The following CD9 variants were observed in gnomAD, a reference collection of about 807,000 sequenced individuals.
CD9 encodes the protein CD9 molecule.
In CD9, 10 loss-of-function variants were observed where a neutral mutation model predicts 31.4. The observed-to-expected ratio is 0.32, with a 90% CI of 0.20 to 0.54. The LOEUF (loss-of-function observed/expected upper bound fraction) is 0.54, where lower values mean the gene tolerates loss of function less well. Among genes scored for constraint, CD9 ranks in the 20% least tolerant of loss-of-function variants. The pLI, the probability that CD9 is intolerant of heterozygous loss-of-function variation, is 0.94. For synonymous variants in CD9, 113 were observed against 114.1 expected (o/e 0.99, Z 0.06); for missense variants, 259 against 300.1 (o/e 0.86, Z 1.01).
intron 1 of CD9, among the ~76,000 whole-genome samples, chr12:6,209,499 C>G (rs1203045533): frequency 1.3e-5 from 2 of 152,100 alleles, no homozygotes; most frequent in Non-Finnish European, 2.9e-5. Flanking sequence ...ATGTAAACAT[C>G]TTCTTTCTCA....
rs576880782 is a variant in CD9, at chr12:6,221,771, T to C, written c.67-3655T>C. 1.4e-4 allele frequency among the ~76,000 whole-genome samples: 20 copies of C among 148,104 alleles called. No individual in the cohort carries two copies. The South Asian group carries it at 4.3e-3, about 32-fold the overall frequency. On this transcript the variant is annotated intron_variant, in intron 1 of 7. Coordinates refer to ENST00000009180, the MANE Select transcript of CD9 (RefSeq NM_001769.4). ...CAGGAGGATTGCTTGAGGCCAGGAA[T>C]TTAAGACCAGCCTGAGCAACATAGC...
At chr12:6,220,125 T>C (rs191779194) in intron 1 of CD9, among the ~76,000 whole-genome samples, 1 of 152,250 alleles carries the variant, frequency 6.6e-6, no homozygotes, top group East Asian at 1.9e-4. Context: ...GATGCGACAC[T>C]GGCCTGCTCA....
intron 1 of CD9, among the ~76,000 whole-genome samples, chr12:6,215,181 G>T (rs998620455): frequency 2.0e-5 from 3 of 152,244 alleles, no homozygotes. Context: ...GTGGGGCTGG[G>T]CAGTGAGCTC....
At position 6,220,198 on chromosome 12, in the gene CD9, T is replaced by G. The variant is rs113819466; in HGVS notation, c.67-5228T>G. On this transcript the variant is annotated intron_variant, in intron 1 of 7. Coordinates refer to ENST00000009180, the MANE Select transcript of CD9 (RefSeq NM_001769.4). ...CATGGGAGGAATGGGAGGAAATGGG[T>G]GGGGAAGCAGCAGGCTTGGCTTAGG... Among the ~76,000 whole-genome samples, 4 of 151,998 alleles carry G rather than the reference T, an allele frequency of 2.6e-5. 1 individual carries two copies. Among genetic ancestry groups the G allele is most frequent in the African/African-American group, 9.7e-5 (4 of 41,446 alleles).
intron 1 of CD9, among the ~76,000 whole-genome samples, chr12:6,221,329 C>G (rs1591970701): frequency 6.6e-6 from 1 of 152,274 alleles, no homozygotes; most frequent in East Asian, 1.9e-4. Flanking sequence ...AAGCTATGGG[C>G]TCTCTCCTGC....
chr12:6,225,183 A>G (rs1946346770), intron 1 of CD9: 3 of 536,204 alleles, frequency 5.6e-6, no homozygotes, highest in East Asian at 6.2e-5. Context: ...TCTGTTGCCT[A>G]TAAAATACCC....
intron 1 of CD9, among the ~76,000 whole-genome samples, chr12:6,210,405 T>A (rs1946182450): frequency 6.6e-6 from 1 of 152,132 alleles, no homozygotes; most frequent in Non-Finnish European, 1.5e-5. Flanking sequence ...GAACCAAGGG[T>A]GTGGCTGAAG....
Position 6,225,520 on chromosome 12 carries a change from C to A in CD9, c.161C>A (p.Ser54Tyr), listed in dbSNP as rs764248307. Residue 54 changes from serine (S) to tyrosine (Y), a missense_variant, in exon 2 of 8, where the codon TCC becomes TAC. Coordinates refer to ENST00000009180, the MANE Select transcript of CD9 (RefSeq NM_001769.4). ...IFEQETNNNN[S>Y]SFYTGVYILI... ...GAGCAAGAAACTAATAATAATAATTCCAGCTTCTACACAGGTGAGGGACGG... is the reference window on the plus strand; with the variant it reads ...GAGCAAGAAACTAATAATAATAATTACAGCTTCTACACAGGTGAGGGACGG... 6.2e-7 allele frequency: 1 copy of A among 1,601,238 alleles called. No homozygotes were observed. The highest frequency in any genetic ancestry group is 8.6e-7 in the Non-Finnish European group (1 of 1,168,268).
upstream of CD9, chr12:6,200,313 C>T (rs980949808): frequency 1.7e-5 from 6 of 359,716 alleles, no homozygotes; most frequent in Admixed American, 4.6e-5. Flanking sequence ...GGAGTGGGGG[C>T]GGCTTTTCCC....
rs757321075 is a variant in CD9, at chr12:6,233,532, G to C, written c.348+46G>C. ...CTCTTGGGTTTGGGAGTTGGGGGAT[G>C]GGGGACAGTGAAGCAGGGGGCAAGT... On this transcript the variant is annotated intron_variant, in intron 4 of 7. Transcript: ENST00000009180. 3 of 1,440,998 alleles carry C rather than the reference G, an allele frequency of 2.1e-6. No homozygotes were observed. In the East Asian group the frequency reaches 6.8e-5, roughly 33 times the overall value. The allele number at this position is 1,440,998 out of a possible 1,614,324, so 89.3% of individuals were successfully genotyped here.
intron 1 of CD9, among the ~76,000 whole-genome samples, chr12:6,209,357 C>G (rs1946167929): frequency 6.6e-6 from 1 of 152,168 alleles, no homozygotes; most frequent in Non-Finnish European, 1.5e-5. Context: ...TGCATGCACA[C>G]CCCAGATTTA....
intron 2 of CD9, 83 bp downstream of exon 2, chr12:6,225,617 G>C (rs979409091): frequency 8.2e-6 from 7 of 852,098 alleles, no homozygotes; most frequent in African/African-American, 1.7e-5. Context: ...TGTTGACCCA[G>C]GGACTTGGGC....
intron 1 of CD9, among the ~76,000 whole-genome samples, chr12:6,210,152 G>A (rs939207769): frequency 2.0e-5 from 3 of 151,788 alleles, no homozygotes; most frequent in African/African-American, 7.3e-5. Flanking sequence ...ATGTCATCTT[G>A]TTCTGCCCTT....
intron 5 of CD9, 42 bp from the exon 6 acceptor site, chr12:6,235,434 C>G (rs2072372): frequency 1.9e-6 from 3 of 1,612,362 alleles, no homozygotes; most frequent in Non-Finnish European, 2.5e-6. Flanking sequence ...CGTCTTCTTA[C>G]AATTTGTTTC....
chr12:6,233,747 G>A (rs747004156), intron 4 of CD9, among the ~76,000 whole-genome samples: 3 of 152,048 alleles, frequency 2.0e-5, no homozygotes, highest in South Asian at 2.1e-4. Flanking sequence ...GGGCCTGTGC[G>A]TGTGTCTGTC....
chr12:6,232,668 T>A lies in CD9; in HGVS notation c.212T>A (p.Met71Lys). The part of the protein sequence containing the change: ...YILIGAGALM[M>K]LVGFLGCCGA... ...CTGATCGGAGCCGGCGCCCTCATGA[T>A]GCTGGTGGGCTTCCTGGGCTGCTGC... The change falls in exon 3 of 8, where the codon ATG becomes AAG. Residue 71 changes from methionine to lysine, a missense_variant. Met to Lys is a moderately conservative substitution (Grantham distance 95, BLOSUM62 -1). Coordinates refer to ENST00000009180, the MANE Select transcript of CD9 (RefSeq NM_001769.4). The surrounding 1 kb of genome is among the most constrained non-coding windows in gnomAD (Gnocchi z 4.8). The A allele has an allele frequency of 6.3e-7, 1 of 1,582,720 alleles. No homozygotes were observed. The highest frequency in any genetic ancestry group is 8.6e-7 in the Non-Finnish European group (1 of 1,167,126).
At chr12:6,236,403 T>C in intron 7 of CD9, 128 bp downstream of exon 7, 1 of 775,418 alleles carries the variant, frequency 1.3e-6, no homozygotes, top group Non-Finnish European at 2.1e-6. Flanking sequence ...CCTTAGTATT[T>C]CCATTTTACC....
Position 6,236,221 on chromosome 12 carries a change from C to G in CD9, c.567C>G (p.Phe189Leu), listed in dbSNP as rs767046868. The change falls in exon 7 of 8, where the codon TTC becomes TTG. Residue 189 changes from phenylalanine (F) to leucine (L), a missense_variant. Phe to Leu is a conservative substitution (Grantham distance 22). Transcript: ENST00000009180. Reference protein sequence around the residue: ...KSCPDAIKEVFDNKFHIIGAV... With the variant: ...KSCPDAIKEVLDNKFHIIGAV... ...GTCCTGATGCCATCAAAGAGGTCTT[C>G]GACAATAAATTCCACATCATCGGCG... The G allele has an allele frequency of 6.2e-7, 1 of 1,614,062 alleles. No homozygotes were observed. Among genetic ancestry groups the G allele is most frequent in the African/African-American group, 1.3e-5 (1 of 74,934 alleles).
chr12:6,226,696 T>G (rs956303896), intron 2 of CD9, among the ~76,000 whole-genome samples: 2 of 152,176 alleles, frequency 1.3e-5, no homozygotes, highest in Non-Finnish European at 2.9e-5. Flanking sequence ...GGTGTGTCTC[T>G]CTATTATCGG....
Sources: gnomAD v4.1 joint callset for allele counts (sites outside exome capture counted in the v4.1 genomes callset) on GRCh38, gnomAD v4.1.1 for gene constraint, Gnocchi (gnomAD v3.1) non-coding constraint, MANE v1.5 for transcripts, NCBI Gene and HGNC (gene_info 2026-07-23, HGNC 2026-07-21) for gene names.